ZBTB11: variants seen among roughly 807,000 people sequenced by gnomAD.
ZBTB11 encodes zinc finger and BTB domain containing 11, also known as zinc finger and BTB domain-containing protein 11.
ZBTB11 carries 68 observed loss-of-function variants against 113.1 expected under a neutral mutation model. That is an observed-to-expected ratio of 0.60 (90% CI 0.49 to 0.74). ZBTB11 has a LOEUF of 0.74. Among genes scored for constraint, ZBTB11 ranks in the 30% least tolerant of loss-of-function variants. The pLI is 0.00. For synonymous variants in ZBTB11, 518 were observed against 452.6 expected, an observed-to-expected ratio of 1.14 and a Z score of -1.83; for missense variants, 1,104 against 1,279.4, an observed-to-expected ratio of 0.86 and a Z score of 2.09.
chr3:101,660,637 C>T (rs1189141098), intron 5 of ZBTB11, among the ~76,000 whole-genome samples: 1 of 152,128 alleles, frequency 6.6e-6, no homozygotes, highest in African/African-American at 2.4e-5. Flanking sequence ...ATGTAACACA[C>T]ATAATGGAAG....
chr3:101,663,683 G>A (rs1936931033), intron 5 of ZBTB11, among the ~76,000 whole-genome samples: 1 of 152,112 alleles, frequency 6.6e-6, no homozygotes, highest in Non-Finnish European at 1.5e-5. Context: ...TTGAGCTCAG[G>A]AGTTTGAGAC....
At chr3:101,662,796 T>C (rs1936914255) in intron 5 of ZBTB11, among the ~76,000 whole-genome samples, 1 of 152,146 alleles carries the variant, frequency 6.6e-6, no homozygotes, top group Non-Finnish European at 1.5e-5. Flanking sequence ...GGGTCTCACT[T>C]TGTCATGCAG....
At chr3:101,675,564 T>G (rs924042507) in intron 1 of ZBTB11, among the ~76,000 whole-genome samples, 4 of 152,352 alleles carry the variant, frequency 2.6e-5, no homozygotes, top group African/African-American at 9.6e-5. Flanking sequence ...AACTATTAAC[T>G]AATTCTGACA....
chr3:101,661,503 A>T (rs891240584), intron 5 of ZBTB11, among the ~76,000 whole-genome samples: 1 of 152,190 alleles, frequency 6.6e-6, no homozygotes, highest in Non-Finnish European at 1.5e-5. Flanking sequence ...AAATAATTAA[A>T]AGTTTGACTG....
chr3:101,671,666 A>T, intron 2 of ZBTB11: 2 of 576,524 alleles, frequency 3.5e-6, no homozygotes, highest in Non-Finnish European at 6.1e-6. Flanking sequence ...GATTAATTTT[A>T]CCTTGGGGCG....
intron 5 of ZBTB11, among the ~76,000 whole-genome samples, chr3:101,661,574 G>C (rs1559984295): frequency 6.6e-6 from 1 of 152,176 alleles, no homozygotes; most frequent in Non-Finnish European, 1.5e-5. Context: ...ACATGGTGTG[G>C]CTTTGTCTTC....
intron 10 of ZBTB11, among the ~76,000 whole-genome samples, chr3:101,651,985 C>T (rs925201805): frequency 6.6e-6 from 1 of 151,896 alleles, no homozygotes; most frequent in Non-Finnish European, 1.5e-5. Flanking sequence ...AAAAATTAGC[C>T]CAGCGTGGTG....
In ZBTB11 at chr3:101,651,170, T is replaced by G. The variant is rs1936695157; in HGVS notation, c.3158A>C (p.Glu1053Ala). 6.3e-7 allele frequency: 1 copy of G among 1,575,338 alleles called. No homozygotes were observed. The highest frequency in any genetic ancestry group is 8.6e-7 in the Non-Finnish European group (1 of 1,162,674). The part of the protein sequence containing the change: ...KVEVAHISGG[E>A] ...TTTTTATCTTCATTAACATACTCAT[T>G]CTCCTCCTGAAATATGTGCTACCTC... The change falls in exon 11 of 11, where the codon GAA becomes GCA. Residue 1053 changes from glutamate to alanine, a missense_variant. Transcript: ENST00000312938.
Position 101,660,009 on chromosome 3 carries a change from T to A in ZBTB11, c.1820A>T (p.Gln607Leu). Reference sequence around the variant, plus strand: ...ATGTGCTCGCAAAGAGGCACTGTACTGAAACTGTTTTTTACACAACTAAAA... The same window carrying A: ...ATGTGCTCGCAAAGAGGCACTGTACAGAAACTGTTTTTTACACAACTAAAA... ...YKCPLCKKQF[Q>L]YSASLRAHLI... The change falls in exon 6 of 11, where the codon CAG becomes CTG. Residue 607 changes from glutamine (Q) to leucine (L), a missense_variant. This residue lies in a region of ZBTB11 where 535 missense variants were observed against 518.6 expected (regional missense o/e 1.03). Transcript: ENST00000312938. 6.2e-7 allele frequency: 1 copy of A among 1,612,746 alleles called. No homozygotes were observed. The highest frequency in any genetic ancestry group is 8.5e-7 in the Non-Finnish European group (1 of 1,178,858).
At chr3:101,662,578 C>T (rs951290282) in intron 5 of ZBTB11, among the ~76,000 whole-genome samples, 2 of 152,190 alleles carry the variant, frequency 1.3e-5, no homozygotes, top group African/African-American at 4.8e-5. Flanking sequence ...GCACTCCAGC[C>T]TGCGCAACAA....
intron 5 of ZBTB11, among the ~76,000 whole-genome samples, chr3:101,660,563 G>C (rs536053321): frequency 3.3e-5 from 5 of 152,104 alleles, no homozygotes; most frequent in Non-Finnish European, 4.4e-5. Context: ...AGTTATCTCT[G>C]ACTTTGTTTT....
At position 101,649,494 on chromosome 3, in the gene ZBTB11, T is replaced by G. The variant is rs1046699085; in HGVS notation, c.*1672A>C. 1 of 152,228 alleles carries G rather than the reference T, an allele frequency of 6.6e-6. No individual in the cohort carries two copies. The highest frequency in any genetic ancestry group is 1.5e-5 in the Non-Finnish European group (1 of 68,040). 9.4% of individuals were successfully genotyped at this position (152,228 alleles called of 1,614,324 possible). On this transcript the variant is annotated 3_prime_UTR_variant, in exon 11 of 11. Coordinates refer to ENST00000312938, the MANE Select transcript of ZBTB11 (RefSeq NM_014415.4). ...TTATTTACATGTTTATGACATACAT[T>G]AATGGTCATACACAATTTTTAAACT...
Position 101,677,074 on chromosome 3 carries a change from G to T in ZBTB11, c.-160C>A. ...GCTCCCTTAGTCCGAAGGAAAAGCG[G>T]GCGAGTTGGTAACCAGGGGGAACTG... On this transcript the variant is annotated 5_prime_UTR_variant, in exon 1 of 11. Coordinates refer to ENST00000312938, the MANE Select transcript of ZBTB11 (RefSeq NM_014415.4). 2 of 796,534 alleles carry T rather than the reference G, an allele frequency of 2.5e-6. No homozygotes were observed. The highest frequency in any genetic ancestry group is 1.9e-6 in the Non-Finnish European group (1 of 535,996). The allele number at this position is 796,534 out of a possible 1,614,324, so 49.3% of individuals were successfully genotyped here.
rs780496425 is a variant in ZBTB11, at chr3:101,676,903, C to T, written c.12G>A (p.Glu4=). The T allele has an allele frequency of 1.3e-6, 2 of 1,574,070 alleles. No homozygotes were observed. Among genetic ancestry groups the T allele is most frequent in the Non-Finnish European group, 1.7e-6 (2 of 1,155,512 alleles). ...AACGCAGGATGGCCCGGTAGCTTTC[C>T]TCGCTTGACATCGCGGACCGCGGCT... MSS[E]ESYRAILRYL... Residue 4 remains glutamate, a synonymous_variant, in exon 1 of 11, where the codon GAG becomes GAA. Transcript: ENST00000312938.
intron 3 of ZBTB11, 47 bp from the exon 4 acceptor site, chr3:101,665,855 G>C: frequency 6.7e-7 from 1 of 1,490,448 alleles, no homozygotes; most frequent in South Asian, 1.3e-5. Context: ...AATTATCAAT[G>C]AAACAATACA....
intron 3 of ZBTB11, among the ~76,000 whole-genome samples, chr3:101,666,196 A>G (rs992857670): frequency 2.0e-5 from 3 of 152,178 alleles, no homozygotes; most frequent in African/African-American, 7.2e-5. Context: ...CCCTAATCTC[A>G]CTTCAGTAAA....
At chr3:101,670,775 C>T (rs528525294) in intron 3 of ZBTB11, 13 of 195,808 alleles carry the variant, frequency 6.6e-5, no homozygotes, top group South Asian at 1.9e-4. Context: ...GGACTACAGG[C>T]GGGCACCACC....
In ZBTB11 at chr3:101,670,918, T is replaced by C. The variant is rs1300405610; in HGVS notation, c.778+212A>G. 14 of 492,160 alleles carry C rather than the reference T, an allele frequency of 2.8e-5. No homozygotes were observed. The East Asian group carries it at 3.9e-4, about 14-fold the overall frequency. 30.5% of individuals were successfully genotyped at this position (492,160 alleles called of 1,614,324 possible). On this transcript the variant is annotated intron_variant, in intron 3 of 10. Coordinates refer to ENST00000312938, the MANE Select transcript of ZBTB11 (RefSeq NM_014415.4). ...AAATTCTTTTTCTGCTATAATTGTC[T>C]CACTTAAGACGTAGTGAAAGGAAAT...
chr3:101,674,594 G>A (rs989706610), intron 1 of ZBTB11, among the ~76,000 whole-genome samples: 2 of 151,716 alleles, frequency 1.3e-5, no homozygotes, highest in African/African-American at 4.8e-5. Flanking sequence ...CAGCTACTCT[G>A]GAGACTGAGG....
Sources: allele counts gnomAD v4.1 joint callset (sites outside exome capture counted in the v4.1 genomes callset), GRCh38; gene constraint gnomAD v4.1.1; regional missense constraint gnomAD v4.1.1; transcripts MANE v1.5; gene names NCBI Gene and HGNC (gene_info 2026-07-23, HGNC 2026-07-21).